ATP2C2: variants seen among roughly 807,000 people sequenced by gnomAD.
The protein encoded by ATP2C2 is ATPase secretory pathway Ca2+ transporting 2, also known as calcium-transporting ATPase type 2C member 2.
In ATP2C2, 171 loss-of-function variants were observed where a neutral mutation model predicts 110.8. The ratio of observed to expected loss-of-function variants is 1.54; its 90% CI spans 1.36 to 1.75. The LOEUF (loss-of-function observed/expected upper bound fraction) is 1.75. Ranked by LOEUF, ATP2C2 falls within the 40% of genes most tolerant of loss-of-function variation. The pLI is 0.00. For synonymous variants in ATP2C2, 804 were observed against 508.4 expected, an observed-to-expected ratio of 1.58 and a Z score of -7.82; for missense variants, 1,963 against 1,235.0, an observed-to-expected ratio of 1.59 and a Z score of -8.84.
intron 1 of ATP2C2, among the ~76,000 whole-genome samples, chr16:84,379,951 C>T (rs1910480704): frequency 1.3e-5 from 2 of 152,124 alleles, no homozygotes; most frequent in African/African-American, 2.4e-5. Context: ...AAGTCCAGTG[C>T]CATCTGGGAA....
intron 1 of ATP2C2, among the ~76,000 whole-genome samples, chr16:84,379,270 C>T (rs1320375979): frequency 6.6e-6 from 1 of 151,154 alleles, no homozygotes; most frequent in African/African-American, 2.4e-5. Flanking sequence ...CAGTCTCAAT[C>T]TTTCTGGGCT....
At chr16:84,450,691 T>C (rs1910176818) in intron 17 of ATP2C2, among the ~76,000 whole-genome samples, 1 of 152,054 alleles carries the variant, frequency 6.6e-6, no homozygotes, top group Non-Finnish European at 1.5e-5. Flanking sequence ...AGGATGTTCT[T>C]ACACCACCCC....
chr16:84,424,142 G>C (rs1031204142), intron 10 of ATP2C2, among the ~76,000 whole-genome samples: 1 of 152,234 alleles, frequency 6.6e-6, no homozygotes. Flanking sequence ...GATGAGGGGG[G>C]TGCTGGTGAG....
At chr16:84,461,169 T>G (rs921972802) in intron 24 of ATP2C2, 3 of 262,944 alleles carry the variant, frequency 1.1e-5, no homozygotes, top group African/African-American at 6.8e-5. Flanking sequence ...ATTGTTTGCT[T>G]TGGATCTAGG....
Position 84,437,584 on chromosome 16 carries a change from C to T in ATP2C2, c.987-1582C>T, listed in dbSNP as rs932368813. On this transcript the variant is annotated intron_variant, in intron 11 of 26. Coordinates refer to ENST00000262429, the MANE Select transcript of ATP2C2 (RefSeq NM_014861.4). ...AGGCTGGAGCGCAGTGGCGCAGTCT[C>T]GGTTCACTGCAACCTCCGCCTCTCA... Among the ~76,000 whole-genome samples, 11 of 152,246 alleles carry T rather than the reference C, an allele frequency of 7.2e-5. No homozygotes were observed. In the East Asian group the frequency reaches 1.9e-3, roughly 27 times the overall value.
At chr16:84,458,544 A>G (rs933825010) in intron 21 of ATP2C2, among the ~76,000 whole-genome samples, 5 of 151,586 alleles carry the variant, frequency 3.3e-5, no homozygotes, top group African/African-American at 7.3e-5. Context: ...TCAGCTCTAT[A>G]GTTCTTTTCA....
At chr16:84,405,557 G>A (rs542272827) in intron 3 of ATP2C2, among the ~76,000 whole-genome samples, 2 of 152,228 alleles carry the variant, frequency 1.3e-5, no homozygotes, top group African/African-American at 4.8e-5. Flanking sequence ...GGAAGGAGAA[G>A]TGCAGAGGTT....
chr16:84,434,607 T>G (rs548158944), intron 11 of ATP2C2, among the ~76,000 whole-genome samples: 87 of 151,488 alleles, frequency 5.7e-4, no homozygotes, highest in Admixed American at 1.2e-3. Flanking sequence ...AAGCTCCGCC[T>G]CCTGGGTTCA....
intron 11 of ATP2C2, among the ~76,000 whole-genome samples, chr16:84,427,299 T>G (rs1295457590): frequency 3.3e-5 from 5 of 152,246 alleles, no homozygotes; most frequent in Non-Finnish European, 2.9e-5. Context: ...GGAATATTTT[T>G]CAGCCACAGA....
At chr16:84,408,534 C>T (rs758444393) in intron 4 of ATP2C2, 40 bp downstream of exon 4, 4 of 1,526,918 alleles carry the variant, frequency 2.6e-6, no homozygotes, top group Non-Finnish European at 3.6e-6. Flanking sequence ...GGCGGGCAGC[C>T]ACAGGTCTGC....
intron 1 of ATP2C2, among the ~76,000 whole-genome samples, chr16:84,385,651 C>G (rs113867479): frequency 6.6e-6 from 1 of 152,132 alleles, no homozygotes; most frequent in African/African-American, 2.4e-5. Flanking sequence ...CTCACAGTTC[C>G]GCATGTCTGG....
intron 15 of ATP2C2, among the ~76,000 whole-genome samples, chr16:84,445,801 C>T (rs8050031): frequency 0.031 from 4,723 of 152,294 alleles, 210 homozygotes; most frequent in East Asian, 0.22. Flanking sequence ...CCTGCTGCAC[C>T]GCATTTTCAC....
intron 15 of ATP2C2, among the ~76,000 whole-genome samples, chr16:84,445,973 T>C (rs190334481): frequency 1.3e-5 from 2 of 152,166 alleles, no homozygotes; most frequent in Non-Finnish European, 2.9e-5. Flanking sequence ...AAGGACCCCA[T>C]GTTCTGGACG....
intron 17 of ATP2C2, among the ~76,000 whole-genome samples, chr16:84,451,543 C>T (rs988633323): frequency 2.6e-5 from 4 of 152,166 alleles, no homozygotes; most frequent in Non-Finnish European, 5.9e-5. Flanking sequence ...ATGGTGGGGG[C>T]TGGCTAACAA....
At chr16:84,398,712 T>A in intron 2 of ATP2C2, 103 bp downstream of exon 2, 1 of 872,394 alleles carries the variant, frequency 1.1e-6, no homozygotes, top group Non-Finnish European at 1.7e-6. Context: ...TGTGTTATTA[T>A]CAATTTTATC....
chr16:84,417,849 C>T (rs1023635285), intron 7 of ATP2C2, among the ~76,000 whole-genome samples: 2 of 152,210 alleles, frequency 1.3e-5, no homozygotes. Flanking sequence ...ATAGCTTTGC[C>T]TATTCAGTGG....
chr16:84,458,681 T>A (rs933322415), intron 21 of ATP2C2, among the ~76,000 whole-genome samples: 3 of 152,246 alleles, frequency 2.0e-5, no homozygotes, highest in Non-Finnish European at 4.4e-5. Flanking sequence ...AAGCAGGCGA[T>A]GTCCTTCAGC....
intron 21 of ATP2C2, 57 bp from the exon 22 acceptor site, chr16:84,459,063 C>G: frequency 1.3e-6 from 2 of 1,586,690 alleles, no homozygotes; most frequent in African/African-American, 1.3e-5. Context: ...AACCGATGCA[C>G]TGGTCCAGCC....
At chr16:84,381,345 G>A (rs541485933) in intron 1 of ATP2C2, among the ~76,000 whole-genome samples, 96 of 152,160 alleles carry the variant, frequency 6.3e-4, no homozygotes, top group African/African-American at 2.1e-3. Context: ...GGATGTATAC[G>A]TGCAAGTCAC....
Sources: gnomAD v4.1 joint callset for allele counts (sites outside exome capture counted in the v4.1 genomes callset) on GRCh38, gnomAD v4.1.1 for gene constraint, MANE v1.5 for transcripts, NCBI Gene and HGNC (gene_info 2026-07-23, HGNC 2026-07-21) for gene names.